The following PRKN variants were observed in gnomAD, a reference collection of about 807,000 sequenced individuals.
PRKN encodes the protein E3 ubiquitin-protein ligase parkin.
PRKN carries 56 observed loss-of-function variants against 59.5 expected under a neutral mutation model. The ratio of observed to expected loss-of-function variants is 0.94; its 90% CI spans 0.76 to 1.18. The LOEUF (loss-of-function observed/expected upper bound fraction) is 1.18, where lower values mean the gene tolerates loss of function less well. PRKN is among the 50% of genes most tolerant of loss of function. The pLI is 0.00. For synonymous variants in PRKN, 250 were observed against 222.1 expected (o/e 1.13, Z -1.12); for missense variants, 657 against 596.4 (o/e 1.10, Z -1.06).
rs559580943 is a variant in PRKN, at chr6:162,558,433, G to A, written c.8-114960C>T. Among the ~76,000 whole-genome samples, 11 of 149,472 alleles carry A rather than the reference G, an allele frequency of 7.4e-5. No homozygotes were observed. The East Asian group carries it at 2.0e-3, about 28-fold the overall frequency. On this transcript the variant is annotated intron_variant, in intron 1 of 11. Transcript: ENST00000366898. ...CAACCTCCGCCTCCTGGGTTCAAGC[G>A]ATTCTCCTGCCTCAGCCTCCCAGGT...
At chr6:162,284,215 C>CTTTTTTTTTTTTTTTTTTT (rs35609309) in intron 2 of PRKN, among the ~76,000 whole-genome samples, 2 of 75,672 alleles carry the variant, frequency 2.6e-5, no homozygotes, top group Admixed American at 1.9e-4. Context: ...TTATTTCTTT[C>CTTTTTTTTTTTTTTTTTTT]TTTTTTTTTT....
chr6:161,583,374 T>G (rs975436997), intron 7 of PRKN, among the ~76,000 whole-genome samples: 2 of 152,128 alleles, frequency 1.3e-5, no homozygotes, highest in Non-Finnish European at 2.9e-5. Flanking sequence ...AGTTACATAA[T>G]GGCACTATCA....
At chr6:162,582,636 T>A (rs1780834079) in intron 1 of PRKN, among the ~76,000 whole-genome samples, 1 of 152,190 alleles carries the variant, frequency 6.6e-6, no homozygotes, top group Non-Finnish European at 1.5e-5. Context: ...TCAGCTCTCT[T>A]TGCATTTTAA....
At chr6:162,132,953 G>T (rs1781427725) in intron 4 of PRKN, among the ~76,000 whole-genome samples, 1 of 152,236 alleles carries the variant, frequency 6.6e-6, no homozygotes, top group African/African-American at 2.4e-5. Flanking sequence ...TGAGTGAACA[G>T]TCTAGAAGCT....
chr6:162,368,437 G>A (rs1785568965), intron 2 of PRKN, among the ~76,000 whole-genome samples: 1 of 152,164 alleles, frequency 6.6e-6, no homozygotes, highest in Non-Finnish European at 1.5e-5. Flanking sequence ...TCAGGACATG[G>A]AAGTCTCATT....
At chr6:162,593,225 C>G (rs936589706) in intron 1 of PRKN, among the ~76,000 whole-genome samples, 3 of 152,216 alleles carry the variant, frequency 2.0e-5, no homozygotes, top group African/African-American at 7.2e-5. Flanking sequence ...GCAAAGCTAT[C>G]GAGGGCAATT....
chr6:162,112,110 T>G (rs1780463972), intron 4 of PRKN, among the ~76,000 whole-genome samples: 1 of 152,240 alleles, frequency 6.6e-6, no homozygotes, highest in Non-Finnish European at 1.5e-5. Flanking sequence ...ATTGGACTAA[T>G]GCAGAGAGCA....
At chr6:161,585,904 TTATG>T (rs1246755481) in intron 7 of PRKN, among the ~76,000 whole-genome samples, 1 of 152,176 alleles carries the variant, frequency 6.6e-6, no homozygotes, top group East Asian at 1.9e-4. Context: ...CAGTAACCTC[TTATG>T]TATGTATTTA....
intron 1 of PRKN, among the ~76,000 whole-genome samples, chr6:162,553,260 A>T (rs1331261244): frequency 6.6e-6 from 1 of 152,096 alleles, no homozygotes; most frequent in Non-Finnish European, 1.5e-5. Context: ...TAAGAGGAGA[A>T]AGGACGCTTT....
At chr6:161,600,404 G>T (rs562393498) in intron 7 of PRKN, among the ~76,000 whole-genome samples, 1 of 152,188 alleles carries the variant, frequency 6.6e-6, no homozygotes, top group African/African-American at 2.4e-5. Context: ...CAGTGATTCT[G>T]ATGGTAATTT....
intron 2 of PRKN, among the ~76,000 whole-genome samples, chr6:162,442,586 T>C (rs1242515105): frequency 6.6e-6 from 1 of 152,150 alleles, no homozygotes; most frequent in African/African-American, 2.4e-5. Flanking sequence ...GACATGTGTG[T>C]AGGGCTTTCA....
chr6:162,703,794 C>T (rs190519500), intron 1 of PRKN, among the ~76,000 whole-genome samples: 1 of 152,264 alleles, frequency 6.6e-6, no homozygotes, highest in African/African-American at 2.4e-5. Context: ...AATATATTTC[C>T]ATGTAGATTA....
In PRKN at chr6:162,338,119, A is replaced by C. The variant is rs148561250; in HGVS notation, c.172-75354T>G. 1.1e-3 allele frequency among the ~76,000 whole-genome samples: 161 copies of C among 152,284 alleles called. 3 individuals are homozygous for C. Among genetic ancestry groups the C allele is most frequent in the African/African-American group, 5.3e-4 (22 of 41,568 alleles). The stretch of plus-strand genomic sequence containing the variant: ...GTGGCCCGGGAGACAGAAGGAGAAG[A>C]AGCATTTGCTCCTGACTTCAAGGTT... On this transcript the variant is annotated intron_variant, in intron 2 of 11. Transcript: ENST00000366898.
chr6:162,453,578 TCTCA>T (rs1440949800), intron 1 of PRKN, among the ~76,000 whole-genome samples: 1 of 152,110 alleles, frequency 6.6e-6, no homozygotes, highest in Non-Finnish European at 1.5e-5. Context: ...AGTTTCTCTC[TCTCA>T]ATTTATTACC....
intron 1 of PRKN, among the ~76,000 whole-genome samples, chr6:162,688,943 T>C (rs1389821895): frequency 6.6e-6 from 1 of 152,204 alleles, no homozygotes; most frequent in African/African-American, 2.4e-5. Flanking sequence ...GGCATTAGCC[T>C]ACCATGCTAA....
chr6:162,647,796 T>A (rs1477805207), intron 1 of PRKN, among the ~76,000 whole-genome samples: 3 of 151,836 alleles, frequency 2.0e-5, no homozygotes, highest in Non-Finnish European at 4.4e-5. Flanking sequence ...TTTCCCTACT[T>A]TATATTCCTT....
intron 1 of PRKN, among the ~76,000 whole-genome samples, chr6:162,677,147 C>T (rs868803488): frequency 1.4e-5 from 2 of 147,142 alleles, no homozygotes; most frequent in African/African-American, 5.0e-5. Context: ...AACTTAAAGA[C>T]AACCCCAAAT....
intron 7 of PRKN, among the ~76,000 whole-genome samples, chr6:161,668,205 C>T (rs1227581336): frequency 1.3e-5 from 2 of 149,732 alleles, no homozygotes; most frequent in South Asian, 4.2e-4. Context: ...CTGTTAGAGA[C>T]CTTTAGCCCA....
At chr6:162,604,308 T>A (rs1470120806) in intron 1 of PRKN, among the ~76,000 whole-genome samples, 2 of 152,190 alleles carry the variant, frequency 1.3e-5, no homozygotes, top group Non-Finnish European at 2.9e-5. Context: ...CTGAGGCACC[T>A]GTGGTAATCC....
Sources: gnomAD v4.1 joint callset for allele counts (sites outside exome capture counted in the v4.1 genomes callset) on GRCh38, gnomAD v4.1.1 for gene constraint, MANE v1.5 for transcripts, NCBI Gene and HGNC (gene_info 2026-07-23, HGNC 2026-07-21) for gene names.